ZNF273: variants seen among roughly 807,000 people sequenced by gnomAD.
ZNF273 encodes the protein zinc finger protein 9.
A neutral mutation model predicts 14.9 loss-of-function variants in ZNF273; 11 were observed. The observed-to-expected ratio is 0.74, with a 90% CI of 0.46 to 1.22. ZNF273 has a LOEUF of 1.22. Ranked by LOEUF, ZNF273 falls within the 50% of genes most tolerant of loss-of-function variation. ZNF273 has a pLI of 0.00. For missense variants in ZNF273, 577 were observed against 660.6 expected (o/e 0.87, Z 1.39); for synonymous variants, 199 against 223.9 (o/e 0.89, Z 0.99).
downstream of ZNF273, among the ~76,000 whole-genome samples, chr7:64,884,071 G>C (rs1485144706): frequency 6.6e-6 from 1 of 152,138 alleles, no homozygotes; most frequent in Non-Finnish European, 1.5e-5. Context: ...TAATATTCTA[G>C]GCTCTTTTTC....
chr7:64,910,309 G>A (rs1793397225), intron 1 of ZNF273, among the ~76,000 whole-genome samples: 1 of 151,996 alleles, frequency 6.6e-6, no homozygotes, highest in African/African-American at 2.4e-5. Flanking sequence ...ATAATTTTAA[G>A]TTTCAAATTT....
At chr7:64,881,566 C>T (rs115577749), downstream of ZNF273, among the ~76,000 whole-genome samples, 1,395 of 152,272 alleles carry the variant, frequency 9.2e-3, 16 homozygotes, top group African/African-American at 0.032. Context: ...TGGCTTTTGC[C>T]GGGTAATCTA....
At position 64,930,784 on chromosome 7, in the gene ZNF273, T is replaced by C. The variant is rs902925121; in HGVS notation, c.*1746T>C. ...GGGTACATAGTATGTTTTTATGCTG[T>C]ATATGGCATGTTTTGATACAGGTAT... On this transcript the variant is annotated 3_prime_UTR_variant, in exon 4 of 4. Coordinates refer to ENST00000476120, the MANE Select transcript of ZNF273 (RefSeq NM_021148.3). The C allele has an allele frequency of 1.3e-5, 2 of 152,292 alleles. No homozygotes were observed. The highest frequency in any genetic ancestry group is 2.9e-5 in the Non-Finnish European group (2 of 67,992). The allele number at this position is 152,292 out of a possible 1,614,324, so 9.4% of individuals were successfully genotyped here.
chr7:64,914,715 A>G (rs1336205411), intron 1 of ZNF273, among the ~76,000 whole-genome samples: 1 of 152,066 alleles, frequency 6.6e-6, no homozygotes, highest in African/African-American at 2.4e-5. Flanking sequence ...ATTGTTCCTG[A>G]ATCTTTGCTG....
chr7:64,897,132 C>G (rs1792412691), intron 3 of ZNF273, among the ~76,000 whole-genome samples: 1 of 152,096 alleles, frequency 6.6e-6, no homozygotes. Context: ...TGGGTCTTCC[C>G]TATGTCTCTT....
chr7:64,916,687 T>C (rs2129080103), intron 1 of ZNF273, among the ~76,000 whole-genome samples: 1 of 152,036 alleles, frequency 6.6e-6, no homozygotes, highest in South Asian at 2.1e-4. Context: ...ATTGAAGCAG[T>C]GATGCTGTGT....
downstream of ZNF273, among the ~76,000 whole-genome samples, chr7:64,933,944 T>A (rs910341166): frequency 1.1e-4 from 16 of 152,330 alleles, no homozygotes; most frequent in African/African-American, 3.6e-4. Flanking sequence ...CATATACAAA[T>A]ACATTATTAT....
chr7:64,926,130 G>A (rs1230875422), intron 3 of ZNF273, among the ~76,000 whole-genome samples: 1 of 148,392 alleles, frequency 6.7e-6, no homozygotes, highest in African/African-American at 2.5e-5. Flanking sequence ...TTTGCTGATG[G>A]TATTATTCTC....
intron 3 of ZNF273, chr7:64,923,820 CTTT>C (rs750771189): frequency 2.0e-5 from 3 of 146,460 alleles, no homozygotes; most frequent in Admixed American, 6.8e-5. Context: ...TACTAGTCTC[CTTT>C]TTTTTTTTAC....
At chr7:64,917,279 TTCTG>T (rs1320579250) in intron 1 of ZNF273, among the ~76,000 whole-genome samples, 2 of 152,218 alleles carry the variant, frequency 1.3e-5, no homozygotes, top group Non-Finnish European at 2.9e-5. Context: ...ACACAGCTGA[TTCTG>T]TATGATGTAA....
chr7:64,911,010 C>T (rs1793473508), intron 1 of ZNF273, among the ~76,000 whole-genome samples: 3 of 152,014 alleles, frequency 2.0e-5, no homozygotes, highest in South Asian at 2.1e-4. Context: ...AGGTGATCCA[C>T]CCACCTCGGC....
chr7:64,889,267 G>A, downstream of ZNF273: 1 of 984,590 alleles, frequency 1.0e-6, no homozygotes. This position sits in a 1 kb window ranked among gnomAD's most constrained non-coding sequence, Gnocchi z 4.2. Context: ...AAAGGGCCGG[G>A]AGGTCGGGCT....
At chr7:64,936,244 T>C in the ZNF273 span, among the ~76,000 whole-genome samples, 29 of 152,336 alleles carry the variant, frequency 1.9e-4, no homozygotes, top group Non-Finnish European at 1.9e-4. Flanking sequence ...AGAAAACTGA[T>C]GGGGGAACAA....
Position 64,916,369 on chromosome 7 carries a change from G to GCAAAA in ZNF273, c.103-1212_103-1211insCAAAA, listed in dbSNP as rs762863213. 2.2e-4 allele frequency among the ~76,000 whole-genome samples: 30 copies of GCAAAA among 135,150 alleles called. 1 individual carries two copies. Among genetic ancestry groups the GCAAAA allele is most frequent in the Admixed American group, 6.1e-4 (8 of 13,200 alleles). The allele number at this position is 135,150 out of a possible 152,430, so 88.7% of individuals were successfully genotyped here. A position where few individuals can be genotyped will look rare whatever the true frequency, so the allele number is the denominator to read the frequency against. The stretch of plus-strand genomic sequence containing the variant: ...GTGAAACCCCATCTCTACTAAAAAT[G>GCAAAA]TAAAAAAAAAAAAAAAAAAATTAGC... On this transcript the variant is annotated intron_variant, in intron 1 of 3. Transcript: ENST00000476120.
intron 3 of ZNF273, among the ~76,000 whole-genome samples, chr7:64,895,972 A>T (rs886535479): frequency 5.9e-5 from 9 of 152,304 alleles, no homozygotes; most frequent in East Asian, 3.9e-4. Flanking sequence ...AACTTTCAGT[A>T]TGAAAAATTT....
intron 1 of ZNF273, among the ~76,000 whole-genome samples, chr7:64,886,904 G>A (rs1014680039): frequency 1.7e-4 from 26 of 152,210 alleles, no homozygotes; most frequent in Non-Finnish European, 2.9e-5. Flanking sequence ...TCCCAGAGAT[G>A]AGCATGGTCC....
chr7:64,905,912 A>T (rs1050101589), intron 1 of ZNF273, among the ~76,000 whole-genome samples: 1 of 152,214 alleles, frequency 6.6e-6, no homozygotes, highest in African/African-American at 2.4e-5. Context: ...GAAAGGTAAA[A>T]AATTTACAAA....
chr7:64,922,659 G>A (rs545648123), intron 3 of ZNF273, among the ~76,000 whole-genome samples: 7 of 151,772 alleles, frequency 4.6e-5, no homozygotes, highest in Non-Finnish European at 8.8e-5. Context: ...ATGTTACCCA[G>A]GCTGGTCTCA....
chr7:64,906,425 A>T (rs1006684564), intron 1 of ZNF273, among the ~76,000 whole-genome samples: 2 of 152,256 alleles, frequency 1.3e-5, no homozygotes, highest in African/African-American at 4.8e-5. Flanking sequence ...GAGGTATAAA[A>T]TGTAAACACC....
Sources: gnomAD v4.1 joint callset for allele counts (sites outside exome capture counted in the v4.1 genomes callset) on GRCh38, gnomAD v4.1.1 for gene constraint, Gnocchi (gnomAD v3.1) non-coding constraint, MANE v1.5 for transcripts, NCBI Gene and HGNC (gene_info 2026-07-23, HGNC 2026-07-21) for gene names.